Variants in C22orf42 observed in about 807,000 individuals in gnomAD.
C22orf42 encodes the protein chromosome 22 open reading frame 42.
A neutral mutation model predicts 31.4 loss-of-function variants in C22orf42; 24 were observed. The ratio of observed to expected loss-of-function variants is 0.77; its 90% confidence interval spans 0.55 to 1.08. The LOEUF (loss-of-function observed/expected upper bound fraction) is 1.08. Ranked by LOEUF, C22orf42 falls within the 50% of genes least tolerant of loss-of-function variation. The pLI is 0.00. For missense variants in C22orf42, 276 were observed against 327.3 expected (o/e 0.84, Z 1.21); for synonymous variants, 96 against 112.7 (o/e 0.85, Z 0.94).
intron 5 of C22orf42, among the ~76,000 whole-genome samples, 155 bp from the exon 6 acceptor site, chr22:32,151,174 G>A (rs1356944211): frequency 6.6e-6 from 1 of 151,966 alleles, no homozygotes; most frequent in East Asian, 1.9e-4. Flanking sequence ...GGATGCTTGT[G>A]GAAAATGCAG....
chr22:32,155,136 C>G (rs948193546), intron 1 of C22orf42, among the ~76,000 whole-genome samples: 2 of 152,132 alleles, frequency 1.3e-5, no homozygotes, highest in African/African-American at 4.8e-5. Flanking sequence ...GGACAGAGAT[C>G]CCAGAACATC....
intron 1 of C22orf42, among the ~76,000 whole-genome samples, chr22:32,156,245 T>C (rs1477135018): frequency 2.6e-5 from 4 of 152,190 alleles, no homozygotes; most frequent in African/African-American, 9.7e-5. Context: ...TGATCTGACA[T>C]TTATTTTTTC....
At chr22:32,151,464 C>G (rs774845995) in intron 5 of C22orf42, 23 bp downstream of exon 5, 1 of 1,601,384 alleles carries the variant, frequency 6.2e-7, no homozygotes, top group South Asian at 1.1e-5. Flanking sequence ...CATTTCTCTT[C>G]CAGAGAAAGA....
chr22:32,154,151 T>C, intron 2 of C22orf42, 93 bp downstream of exon 2: 2 of 1,191,060 alleles, frequency 1.7e-6, no homozygotes, highest in Non-Finnish European at 2.4e-6. Flanking sequence ...GAACATGACA[T>C]AGCATTTACT....
At chr22:32,157,511 A>G (rs952515817) in intron 1 of C22orf42, among the ~76,000 whole-genome samples, 6 of 152,128 alleles carry the variant, frequency 3.9e-5, no homozygotes, top group Admixed American at 3.3e-4. Flanking sequence ...CAGGAATTCC[A>G]AAGAAGAAAT....
chr22:32,150,444 A>C lies in C22orf42; in HGVS notation c.529T>G (p.Cys177Gly). The change falls in exon 7 of 9, where the codon TGT (cysteine) becomes GGT (glycine). Residue 177 changes from cysteine (C) to glycine (G), a missense_variant. Coordinates refer to ENST00000382097, the MANE Select transcript of C22orf42 (RefSeq NM_001010859.3). ...VEDLSESLSV[C>G]LEDFMTSDLS... The stretch of plus-strand genomic sequence containing the variant: ...TCCGATGTCATGAAGTCTTCAAGAC[A>C]GACAGATAGGCTTTCACTGAGATCT... The C allele has an allele frequency of 1.2e-6, 2 of 1,614,192 alleles. No homozygotes were observed. The highest frequency in any genetic ancestry group is 1.7e-6 in the Non-Finnish European group (2 of 1,180,034).
chr22:32,150,139 C>T (rs76993883), intron 7 of C22orf42, among the ~76,000 whole-genome samples, 180 bp downstream of exon 7: 1,682 of 152,280 alleles, frequency 0.011, 14 homozygotes, highest in Non-Finnish European at 0.017. Flanking sequence ...GTCCATGATC[C>T]ACTAAGACCT....
chr22:32,150,368 A>C lies in C22orf42; in HGVS notation c.605T>G (p.Leu202Arg). The C allele has an allele frequency of 6.2e-7, 1 of 1,614,210 alleles. No homozygotes were observed. Among genetic ancestry groups the C allele is most frequent in the Non-Finnish European group, 8.5e-7 (1 of 1,180,012 alleles). ...AAGAGAGACAGATAGGCTTTCACTG[A>C]GACCTGATGTCATGAAGTCTTCAAG... ...VSLEDFMTSG[L>R]SESLSVSLED... Residue 202 changes from leucine (L) to arginine (R), a missense_variant, in exon 7 of 9, where the codon CTC becomes CGC. Physicochemically the swap from Leu to Arg is moderately radical, Grantham distance 102. Coordinates refer to ENST00000382097, the MANE Select transcript of C22orf42 (RefSeq NM_001010859.3).
intron 2 of C22orf42, 137 bp from the exon 3 acceptor site, chr22:32,152,763 A>T: frequency 2.5e-6 from 2 of 790,258 alleles, no homozygotes; most frequent in Non-Finnish European, 4.4e-6. Context: ...CTGCTGGACC[A>T]TTCTCCTTGG....
At chr22:32,150,206 T>C in intron 7 of C22orf42, 113 bp downstream of exon 7, 3 of 1,103,296 alleles carry the variant, frequency 2.7e-6, no homozygotes, top group Non-Finnish European at 4.0e-6. Context: ...AACAAAAAAA[T>C]TGTATTTGTC....
At chr22:32,152,469 T>C (rs1054349981) in intron 3 of C22orf42, 93 bp downstream of exon 3, 90 of 1,095,416 alleles carry the variant, frequency 8.2e-5, no homozygotes, top group Non-Finnish European at 1.2e-4. Context: ...GCCTGAATCA[T>C]GATGGCAGTC....
At chr22:32,151,954 G>A in intron 4 of C22orf42, 113 bp downstream of exon 4, 2 of 1,079,134 alleles carry the variant, frequency 1.9e-6, no homozygotes, top group African/African-American at 1.6e-5. Flanking sequence ...TTGTAAAATG[G>A]TTGCACAACC....
At position 32,151,545 on chromosome 22, in the gene C22orf42, G is replaced by A. The variant is rs1317017654; in HGVS notation, c.407C>T (p.Thr136Ile). 5 of 1,613,792 alleles carry A rather than the reference G, an allele frequency of 3.1e-6. No homozygotes were observed. The East Asian group carries it at 1.1e-4, about 36-fold the overall frequency. ...GTGTGCAGACACCTGCACATCTTCA[G>A]TGGGACCTAGGAGAACACAGAGTGA... ...IPEAKHDHRP[T>I]EDVQVSAHGG... The change falls in exon 5 of 9, where the codon ACT (threonine) becomes ATT (isoleucine). Residue 136 changes from threonine (T) to isoleucine (I), a missense_variant. Coordinates refer to ENST00000382097, the MANE Select transcript of C22orf42 (RefSeq NM_001010859.3).
rs1401079050 is a variant in C22orf42, at chr22:32,156,283, C to A, written c.233-1965G>T. On this transcript the variant is annotated intron_variant, in intron 1 of 8. Coordinates refer to ENST00000382097, the MANE Select transcript of C22orf42 (RefSeq NM_001010859.3). Reference sequence around the variant, plus strand: ...ACCTTGAAAAACTCACTTTATACTTCTTAGAACCAGCCTTCTCATATGTGA... The same window carrying A: ...ACCTTGAAAAACTCACTTTATACTTATTAGAACCAGCCTTCTCATATGTGA... 9.2e-5 allele frequency among the ~76,000 whole-genome samples: 14 copies of A among 152,148 alleles called. No homozygotes were observed. The East Asian group carries it at 2.1e-3, about 23-fold the overall frequency.
chr22:32,155,590 C>T (rs1270791515), intron 1 of C22orf42, among the ~76,000 whole-genome samples: 2 of 151,704 alleles, frequency 1.3e-5, no homozygotes, highest in Non-Finnish European at 2.9e-5. Context: ...TCCTGTACTT[C>T]CCTCTCAGTT....
intron 1 of C22orf42, among the ~76,000 whole-genome samples, chr22:32,154,916 C>T (rs898597399): frequency 3.3e-5 from 5 of 152,226 alleles, no homozygotes; most frequent in African/African-American, 1.2e-4. Context: ...GGTGACTTCA[C>T]TGTTTCCATG....
chr22:32,151,789 C>G (rs1459803919), intron 4 of C22orf42, among the ~76,000 whole-genome samples: 7 of 152,082 alleles, frequency 4.6e-5, no homozygotes, highest in Non-Finnish European at 8.8e-5. Context: ...AAATAGTCAC[C>G]CTAAGAACCG....
chr22:32,150,631 A>G, intron 6 of C22orf42, 152 bp from the exon 7 acceptor site: 1 of 711,896 alleles, frequency 1.4e-6, no homozygotes, highest in East Asian at 2.7e-5. Context: ...TTGGTGCTGA[A>G]GGAAGGCAAA....
intron 8 of C22orf42, 36 bp downstream of exon 8, chr22:32,149,717 A>C: frequency 1.7e-6 from 2 of 1,179,010 alleles, no homozygotes; most frequent in Non-Finnish European, 2.2e-6. Context: ...ATATCTACAT[A>C]TATATCTATA....
Sources: allele counts gnomAD v4.1 joint callset (sites outside exome capture counted in the v4.1 genomes callset), GRCh38; gene constraint gnomAD v4.1.1; transcripts MANE v1.5; gene names NCBI Gene and HGNC (gene_info 2026-07-23, HGNC 2026-07-21).